Variants in KIAA1217 observed in about 807,000 individuals in gnomAD.
KIAA1217 encodes the protein sickle tail protein homolog.
Under a neutral mutation model 163.9 loss-of-function variants are expected in KIAA1217, and 88 were observed. The observed-to-expected ratio is 0.54, with a 90% CI of 0.45 to 0.64. KIAA1217 has a LOEUF of 0.64. Ranked by LOEUF, KIAA1217 falls within the 30% of genes least tolerant of loss-of-function variation. KIAA1217 has a pLI of 0.00. For synonymous variants in KIAA1217, 903 were observed against 923.1 expected, an observed-to-expected ratio of 0.98 and a Z score of 0.39; for missense variants, 2,372 against 2,475.0, an observed-to-expected ratio of 0.96 and a Z score of 0.88.
chr10:24,087,491 T>A (rs780009295), intron 2 of KIAA1217, among the ~76,000 whole-genome samples: 10 of 152,226 alleles, frequency 6.6e-5, no homozygotes, highest in Admixed American at 1.3e-4. Context: ...GGTTTTATTA[T>A]TGTGGTTCTT....
intron 2 of KIAA1217, among the ~76,000 whole-genome samples, chr10:24,140,210 A>T: frequency 6.6e-6 from 1 of 152,040 alleles, no homozygotes; most frequent in Admixed American, 6.6e-5. Flanking sequence ...ATACAAAAAA[A>T]TTAGCTGGGC....
intron 17 of KIAA1217, among the ~76,000 whole-genome samples, chr10:24,538,738 T>TTTTA (rs1554943363): frequency 7.2e-6 from 1 of 138,674 alleles, no homozygotes; most frequent in African/African-American, 2.7e-5. Flanking sequence ...TTTGGTTTTT[T>TTTTA]TTTTTTTTTT....
intron 9 of KIAA1217, among the ~76,000 whole-genome samples, chr10:24,501,912 C>T (rs890024236): frequency 1.3e-5 from 2 of 151,868 alleles, no homozygotes; most frequent in African/African-American, 2.4e-5. Context: ...CCACGCCCGG[C>T]TAATTTTTTC....
intron 3 of KIAA1217, among the ~76,000 whole-genome samples, chr10:24,400,118 A>G (rs2056350544): frequency 6.6e-6 from 1 of 152,212 alleles, no homozygotes; most frequent in Non-Finnish European, 1.5e-5. Flanking sequence ...GGGTAGATAG[A>G]ACTCTAATCA....
intron 2 of KIAA1217, among the ~76,000 whole-genome samples, chr10:24,134,748 T>C (rs867288116): frequency 6.6e-6 from 1 of 152,062 alleles, no homozygotes; most frequent in South Asian, 2.1e-4. Flanking sequence ...TAATCTTTTT[T>C]ATATATTTTG....
chr10:24,060,447 C>G (rs55700524), intron 2 of KIAA1217, among the ~76,000 whole-genome samples: 8,058 of 152,100 alleles, frequency 0.053, 356 homozygotes, highest in African/African-American at 0.12. Context: ...TTTTCTTCTG[C>G]TATGGATTTC....
At chr10:24,211,911 A>G (rs1003532183) in intron 1 of KIAA1217, among the ~76,000 whole-genome samples, 2 of 151,912 alleles carry the variant, frequency 1.3e-5, no homozygotes, top group Non-Finnish European at 2.9e-5. Flanking sequence ...TTAGCTAGGC[A>G]TAGTGCCCTG....
At chr10:24,080,638 A>G (rs1446593783) in intron 2 of KIAA1217, among the ~76,000 whole-genome samples, 21 of 152,190 alleles carry the variant, frequency 1.4e-4, no homozygotes, top group Non-Finnish European at 1.5e-5. Context: ...ATTCCTTCCA[A>G]CTTTGCATAG....
intron 2 of KIAA1217, among the ~76,000 whole-genome samples, chr10:24,268,069 G>A (rs1299399503): frequency 6.6e-6 from 1 of 152,178 alleles, no homozygotes; most frequent in African/African-American, 2.4e-5. Flanking sequence ...TACACTAACA[G>A]TAAGCTACGC....
chr10:24,543,816 C>T lies in KIAA1217; in HGVS notation c.4546C>T (p.Gln1516Ter), dbSNP rs2075389217. 1 of 1,613,972 alleles carries T rather than the reference C, an allele frequency of 6.2e-7. No individual in the cohort carries two copies. Residue 1516 changes from glutamine to a stop codon, truncating the protein, a stop_gained, in exon 19 of 21, where the codon CAG (glutamine) becomes TAG (stop). Coordinates refer to ENST00000376454, the MANE Select transcript of KIAA1217 (RefSeq NM_019590.5). LOFTEE classifies it high-confidence loss of function. Reference protein sequence around the residue: ...VAPGNLRTGQQVETKSQPHSL... With the variant: ...VAPGNLRTGQ ...CCCAGGCAATCTTAGAACCGGACAA[C>T]AGGTGGAAACAAAGTCACAGCCACA...
intron 2 of KIAA1217, among the ~76,000 whole-genome samples, chr10:24,254,958 A>G (rs929798516): frequency 1.3e-5 from 2 of 151,588 alleles, no homozygotes; most frequent in African/African-American, 2.4e-5. Flanking sequence ...GGTTCAAGTG[A>G]TTCTCCTGCC....
In KIAA1217 at chr10:24,528,268, T is replaced by C. The variant is rs371137146; in HGVS notation, c.3082+149T>C. On this transcript the variant is annotated intron_variant, in intron 14 of 20. Coordinates refer to ENST00000376454, the MANE Select transcript of KIAA1217 (RefSeq NM_019590.5). Reference sequence around the variant, plus strand: ...ATGTAAAACCTGGAAGAGCAAATCCTCTGGTGTTCCTTAGATCTTTACTAC... The same window carrying C: ...ATGTAAAACCTGGAAGAGCAAATCCCCTGGTGTTCCTTAGATCTTTACTAC... 8 of 622,332 alleles carry C rather than the reference T, an allele frequency of 1.3e-5. No individual in the cohort carries two copies. The East Asian group carries it at 1.4e-4, about 11-fold the overall frequency. The allele number at this position is 622,332 out of a possible 1,614,324, so 38.6% of individuals were successfully genotyped here.
intron 2 of KIAA1217, among the ~76,000 whole-genome samples, chr10:24,137,413 A>T (rs969956109): frequency 6.6e-6 from 1 of 152,234 alleles, no homozygotes; most frequent in Non-Finnish European, 1.5e-5. Flanking sequence ...CTTCTTGGTG[A>T]TCAGAGCAGA....
At chr10:24,327,311 A>C (rs975639879) in intron 2 of KIAA1217, among the ~76,000 whole-genome samples, 2 of 152,204 alleles carry the variant, frequency 1.3e-5, no homozygotes, top group African/African-American at 4.8e-5. Flanking sequence ...ATGTTATCTA[A>C]GTGAAATGTT....
chr10:24,264,770 TC>T, intron 2 of KIAA1217, among the ~76,000 whole-genome samples: 1 of 49,022 alleles, frequency 2.0e-5, no homozygotes, highest in Non-Finnish European at 4.4e-5. Context: ...GGTCTTTCTC[TC>T]TCTCTCTCTC....
intron 2 of KIAA1217, among the ~76,000 whole-genome samples, chr10:24,378,646 T>TC (rs397844707): frequency 2.0e-5 from 3 of 151,796 alleles, no homozygotes; most frequent in Admixed American, 6.5e-5. Flanking sequence ...TTTTTTTTTT[T>TC]CCAGCATATC....
rs750121574 is a variant in KIAA1217 at position 24,159,944 on chromosome 10, A to T, written c.-170-59682A>T. ...TTCTTTGATATCTAATTGTTCTAGA[A>T]CCACTTGTTGAAAAGCTTATTTTTT... On this transcript the variant is annotated intron_variant, in intron 2 of 18. Coordinates refer to the KIAA1217 transcript ENST00000376462. 2.0e-5 allele frequency among the ~76,000 whole-genome samples: 3 copies of T among 152,300 alleles called. No homozygotes were observed. In the East Asian group the frequency reaches 5.8e-4, roughly 29 times the overall value.
chr10:24,393,587 C>T (rs2055290395), intron 3 of KIAA1217, among the ~76,000 whole-genome samples: 1 of 152,238 alleles, frequency 6.6e-6, no homozygotes, highest in African/African-American at 2.4e-5. Context: ...GAAGTCCTAA[C>T]TCCTAATACT....
intron 3 of KIAA1217, among the ~76,000 whole-genome samples, chr10:24,402,786 T>G (rs1417982477): frequency 6.6e-6 from 1 of 152,216 alleles, no homozygotes; most frequent in Non-Finnish European, 1.5e-5. Flanking sequence ...CTTCATCAAA[T>G]GTGGTTTACA....
Sources: allele counts gnomAD v4.1 joint callset (sites outside exome capture counted in the v4.1 genomes callset), GRCh38; gene constraint gnomAD v4.1.1; transcripts MANE v1.5; gene names NCBI Gene and HGNC (gene_info 2026-07-23, HGNC 2026-07-21).